Variants in TMEM132C observed in about 807,000 individuals in gnomAD.
TMEM132C encodes transmembrane protein 132C, also known as protein phosphatase 1, regulatory subunit 152.
A neutral mutation model predicts 61.4 loss-of-function variants in TMEM132C; 29 were observed. That is an observed-to-expected ratio of 0.47 (90% CI 0.35 to 0.64). TMEM132C has a LOEUF of 0.64. TMEM132C is among the 30% of genes least tolerant of loss of function. The pLI is 0.00. For missense variants in TMEM132C, 1,408 were observed against 1,476.9 expected, an observed-to-expected ratio of 0.95 and a Z score of 0.76; for synonymous variants, 656 against 633.1, an observed-to-expected ratio of 1.04 and a Z score of -0.54.
intron 3 of TMEM132C, among the ~76,000 whole-genome samples, chr12:128,557,700 G>A (rs575695100): frequency 2.6e-5 from 4 of 152,332 alleles, no homozygotes; most frequent in South Asian, 4.1e-4. Context: ...GCTATGCAAA[G>A]TTCATCCACT....
chr12:128,661,581 A>AT (rs1954390927), intron 4 of TMEM132C, among the ~76,000 whole-genome samples: 1 of 151,692 alleles, frequency 6.6e-6, no homozygotes, highest in African/African-American at 2.4e-5. Context: ...AAAACCCTGG[A>AT]TACATATGCA....
intron 1 of TMEM132C, among the ~76,000 whole-genome samples, chr12:128,329,046 A>G (rs757258208): frequency 6.6e-6 from 1 of 152,112 alleles, no homozygotes; most frequent in Admixed American, 6.5e-5. Context: ...TTTCTACCCT[A>G]GGCCCCAGGA....
intron 4 of TMEM132C, among the ~76,000 whole-genome samples, chr12:128,622,360 A>AATAT (rs767066742): frequency 0.02 from 595 of 29,570 alleles, 23 homozygotes; most frequent in East Asian, 0.027. Flanking sequence ...AAAAAAAAAA[A>AATAT]ATATATATAT....
chr12:128,300,733 G>A (rs549408799), intron 1 of TMEM132C, among the ~76,000 whole-genome samples: 11 of 152,110 alleles, frequency 7.2e-5, no homozygotes, highest in East Asian at 3.9e-4. Context: ...GGAGCTAAGC[G>A]CCTATTAAAA....
At chr12:128,362,997 C>T (rs1019330272) in intron 1 of TMEM132C, among the ~76,000 whole-genome samples, 1 of 152,064 alleles carries the variant, frequency 6.6e-6, no homozygotes, top group Non-Finnish European at 1.5e-5. Flanking sequence ...GAAGAGAGGG[C>T]CTGAGCAAAA....
At chr12:128,610,664 G>A (rs1363536015) in intron 3 of TMEM132C, among the ~76,000 whole-genome samples, 2 of 152,120 alleles carry the variant, frequency 1.3e-5, no homozygotes, top group Non-Finnish European at 2.9e-5. Flanking sequence ...AAGACTCTTG[G>A]TCCCTTCAAG....
intron 2 of TMEM132C, among the ~76,000 whole-genome samples, chr12:128,469,895 C>T (rs1870888244): frequency 6.6e-6 from 1 of 151,936 alleles, no homozygotes; most frequent in Non-Finnish European, 1.5e-5. Flanking sequence ...TATATACACA[C>T]ACATAAATGC....
chr12:128,478,758 A>G (rs1217987002), intron 2 of TMEM132C, among the ~76,000 whole-genome samples: 1 of 152,194 alleles, frequency 6.6e-6, no homozygotes, highest in Admixed American at 6.5e-5. Flanking sequence ...GATAGATGCT[A>G]CAAGGACTCA....
intron 1 of TMEM132C, among the ~76,000 whole-genome samples, chr12:128,344,267 C>T (rs937807841): frequency 1.3e-5 from 2 of 152,196 alleles, no homozygotes; most frequent in South Asian, 2.1e-4. Context: ...ACGCCATTCT[C>T]CTGCCTCAGC....
chr12:128,390,858 A>G (rs978604627), intron 1 of TMEM132C, among the ~76,000 whole-genome samples: 3 of 152,082 alleles, frequency 2.0e-5, no homozygotes, highest in Admixed American at 6.6e-5. Flanking sequence ...GGCCATGGAG[A>G]GAAGATACAT....
chr12:128,666,693 G>T (rs1439684139), intron 4 of TMEM132C, among the ~76,000 whole-genome samples: 1 of 152,246 alleles, frequency 6.6e-6, no homozygotes, highest in Non-Finnish European at 1.5e-5. Context: ...AGTCAGAAGA[G>T]TGGTTTTAAA....
At chr12:128,388,580 T>C (rs1565920991) in intron 1 of TMEM132C, among the ~76,000 whole-genome samples, 2 of 152,156 alleles carry the variant, frequency 1.3e-5, no homozygotes, top group African/African-American at 4.8e-5. Context: ...TCGCTGAGTC[T>C]GAGCTCCGCA....
chr12:128,682,223 C>T (rs535153417), intron 5 of TMEM132C, among the ~76,000 whole-genome samples: 2 of 152,256 alleles, frequency 1.3e-5, no homozygotes, highest in South Asian at 2.1e-4. Flanking sequence ...AAGGGAAGAC[C>T]CCCAAAGAAA....
intron 2 of TMEM132C, among the ~76,000 whole-genome samples, chr12:128,427,579 C>G (rs998504749): frequency 6.6e-6 from 1 of 152,050 alleles, no homozygotes; most frequent in African/African-American, 2.4e-5. Context: ...GCTGGATCCT[C>G]CAGACTCCCC....
intron 1 of TMEM132C, among the ~76,000 whole-genome samples, chr12:128,321,581 A>G (rs1322986725): frequency 6.6e-6 from 1 of 152,190 alleles, no homozygotes; most frequent in Admixed American, 6.5e-5. Flanking sequence ...GGGTGGACAT[A>G]CAACCTACAC....
intron 1 of TMEM132C, among the ~76,000 whole-genome samples, chr12:128,285,967 A>C (rs1401180345): frequency 0.036 from 531 of 14,950 alleles, no homozygotes; most frequent in Admixed American, 0.053. Flanking sequence ...CCCCATCTCT[A>C]TCTCTCTCTC....
intron 3 of TMEM132C, among the ~76,000 whole-genome samples, chr12:128,588,926 G>A (rs1011944440): frequency 6.6e-6 from 1 of 152,192 alleles, no homozygotes; most frequent in African/African-American, 2.4e-5. Context: ...CAGGGACTGT[G>A]TTTGCAAACT....
chr12:128,298,183 C>G (rs1254606560), intron 1 of TMEM132C, among the ~76,000 whole-genome samples: 3 of 152,186 alleles, frequency 2.0e-5, no homozygotes, highest in African/African-American at 7.2e-5. Flanking sequence ...TCATGTTATT[C>G]CCTTGCTTAA....
At chr12:128,539,658 A>C (rs1873665635) in intron 2 of TMEM132C, among the ~76,000 whole-genome samples, 1 of 152,172 alleles carries the variant, frequency 6.6e-6, no homozygotes, top group South Asian at 2.1e-4. Context: ...CACTGAGCTC[A>C]TAGGGTGGAT....
Sources: gnomAD v4.1 joint callset for allele counts (sites outside exome capture counted in the v4.1 genomes callset) on GRCh38, gnomAD v4.1.1 for gene constraint, MANE v1.5 for transcripts, NCBI Gene and HGNC (gene_info 2026-07-23, HGNC 2026-07-21) for gene names.